NAV2: variants seen among roughly 807,000 people sequenced by gnomAD.
NAV2 encodes the protein neuron navigator 2.
A neutral mutation model predicts 223.2 loss-of-function variants in NAV2; 54 were observed. The observed-to-expected ratio is 0.24, with a 90% confidence interval of 0.19 to 0.30. The LOEUF (loss-of-function observed/expected upper bound fraction) is 0.30. Ranked by LOEUF, NAV2 falls within the 10% of genes least tolerant of loss-of-function variation. The pLI is 1.00. For synonymous variants in NAV2, 1,279 were observed against 1,239.3 expected, an observed-to-expected ratio of 1.03 and a Z score of -0.67; for missense variants, 2,806 against 3,147.5, an observed-to-expected ratio of 0.89 and a Z score of 2.60.
At position 20,036,159 on chromosome 11, in the gene NAV2, T is replaced by C. The variant is rs1360912945; in HGVS notation, c.2907+62T>C. ...CCTCTGGCAGCAGGGAACCTTGGGCTTGTGGGGTAAGAGGGCCATTTGGGG... is the reference window on the plus strand; with the variant it reads ...CCTCTGGCAGCAGGGAACCTTGGGCCTGTGGGGTAAGAGGGCCATTTGGGG... On this transcript the variant is annotated intron_variant, in intron 12 of 37. Transcript: ENST00000349880. 14 of 1,605,844 alleles carry C rather than the reference T, an allele frequency of 8.7e-6. No individual in the cohort carries two copies. In the East Asian group the frequency reaches 2.9e-4, roughly 33 times the overall value.
chr11:19,940,905 C>T (rs2046345647), intron 8 of NAV2, among the ~76,000 whole-genome samples: 1 of 152,278 alleles, frequency 6.6e-6, no homozygotes, highest in Middle Eastern at 3.4e-3. Flanking sequence ...CATATGAGTA[C>T]ATGGATAGCA....
At chr11:19,955,915 T>TG (rs1161498034) in intron 10 of NAV2, among the ~76,000 whole-genome samples, 1 of 152,182 alleles carries the variant, frequency 6.6e-6, no homozygotes, top group Non-Finnish European at 1.5e-5. Context: ...TAGGAGAGGC[T>TG]GTCCTGAAAG....
At position 19,904,064 on chromosome 11, in the gene NAV2, A is replaced by G. The variant is rs112581911; in HGVS notation, c.931+11470A>G. Among the ~76,000 whole-genome samples the G allele has an allele frequency of 5.6e-3, 856 of 152,300 alleles. 7 individuals carry two copies. Among genetic ancestry groups the G allele is most frequent in the South Asian group, 0.024 (114 of 4,828 alleles). Reference sequence around the variant, plus strand: ...AAGGATCAGGTTTAGCCCTAAGGAGAAGGATTTTTGAAGGCACTAGTTGAT... The same window carrying G: ...AAGGATCAGGTTTAGCCCTAAGGAGGAGGATTTTTGAAGGCACTAGTTGAT... On this transcript the variant is annotated intron_variant, in intron 6 of 37. Coordinates refer to ENST00000349880, the MANE Select transcript of NAV2 (RefSeq NM_145117.5).
In NAV2 at chr11:19,676,928, G is replaced by A. The variant is rs140156329; in HGVS notation, c.76-155556G>A. ...CCTTAGATCGTTAAGACATTTCCTA[G>A]GATGTGACAGTCACAAGAGTACCAT... On this transcript the variant is annotated intron_variant, in intron 1 of 37. Transcript: ENST00000360655. 5.9e-5 allele frequency among the ~76,000 whole-genome samples: 9 copies of A among 152,300 alleles called. No individual in the cohort carries two copies. The East Asian group carries it at 1.7e-3, about 29-fold the overall frequency.
chr11:19,713,852 C>A lies in NAV2; in HGVS notation c.157C>A (p.Pro53Thr). The change falls in exon 1 of 38, where the codon CCT becomes ACT. Residue 53 changes from proline (P) to threonine (T), a missense_variant. Pro to Thr is a conservative substitution (Grantham distance 38, BLOSUM62 -1). Around this residue, in one of 4 missense-constraint regions of NAV2, gnomAD observed 1,167 missense variants for 1,180.5 expected, o/e 0.99. Transcript: ENST00000349880. This position sits in a 1 kb window ranked among gnomAD's most constrained non-coding sequence, Gnocchi z 7.2. Reference sequence around the variant, plus strand: ...GGTGGAGGTGAGCAAGACCACCTATCCTAGCCAGATCCCCCTGAAATCGCA... The same window carrying A: ...GGTGGAGGTGAGCAAGACCACCTATACTAGCCAGATCCCCCTGAAATCGCA... ...SKVEVSKTTY[P>T]SQIPLKSQVL... is the part of the protein sequence containing the mutation. 3.7e-6 allele frequency: 6 copies of A among 1,613,680 alleles called. No homozygotes were observed. Among genetic ancestry groups the A allele is most frequent in the Non-Finnish European group, 5.1e-6 (6 of 1,179,928 alleles).
chr11:19,977,532 T>C (rs1053547599), intron 10 of NAV2, among the ~76,000 whole-genome samples: 4 of 152,246 alleles, frequency 2.6e-5, no homozygotes, highest in African/African-American at 4.8e-5. Context: ...GTCTCTGAAC[T>C]TGTCGTGGGG....
At chr11:19,553,983 G>A (rs1319915214) in intron 1 of NAV2, among the ~76,000 whole-genome samples, 3 of 152,212 alleles carry the variant, frequency 2.0e-5, no homozygotes, top group African/African-American at 7.2e-5. Context: ...AGAAAAAGAG[G>A]CTGCTTTCTG....
chr11:19,561,717 T>C (rs1461838115), intron 1 of NAV2, among the ~76,000 whole-genome samples: 1 of 152,352 alleles, frequency 6.6e-6, no homozygotes, highest in East Asian at 1.9e-4. Flanking sequence ...CTGCTTCTTA[T>C]ACCACTTGGC....
At chr11:19,785,752 C>T (rs2057069370) in intron 1 of NAV2, among the ~76,000 whole-genome samples, 1 of 151,696 alleles carries the variant, frequency 6.6e-6, no homozygotes, top group African/African-American at 2.4e-5. Context: ...TGGTAGTTTT[C>T]ATTCCTTAGA....
At chr11:19,448,328 C>A (rs1442142455) in intron 1 of NAV2, among the ~76,000 whole-genome samples, 1 of 152,238 alleles carries the variant, frequency 6.6e-6, no homozygotes, top group Non-Finnish European at 1.5e-5. Flanking sequence ...CCAATGTATT[C>A]TGCCTGTGGC....
intron 1 of NAV2, among the ~76,000 whole-genome samples, chr11:19,660,794 C>G (rs2048255656): frequency 6.6e-6 from 1 of 152,096 alleles, no homozygotes; most frequent in Non-Finnish European, 1.5e-5. Context: ...GTGTAGCATG[C>G]CCCCAGTCGA....
chr11:19,449,959 A>G (rs1027515027), intron 1 of NAV2, among the ~76,000 whole-genome samples: 1 of 152,022 alleles, frequency 6.6e-6, no homozygotes, highest in African/African-American at 2.4e-5. Flanking sequence ...AAGAGCCTTT[A>G]TTCACTTTTC....
chr11:19,634,386 G>T (rs117514561), intron 1 of NAV2, among the ~76,000 whole-genome samples: 1 of 152,146 alleles, frequency 6.6e-6, no homozygotes, highest in Non-Finnish European at 1.5e-5. Flanking sequence ...TAACTACTGG[G>T]TATTGGGCTT....
chr11:19,742,341 C>T (rs2052918394), intron 1 of NAV2, among the ~76,000 whole-genome samples: 2 of 152,252 alleles, frequency 1.3e-5, no homozygotes, highest in Admixed American at 1.3e-4. Context: ...TTGCCTCATA[C>T]ATTCTTTGTG....
intron 1 of NAV2, among the ~76,000 whole-genome samples, chr11:19,395,291 C>A (rs987687340): frequency 1.3e-5 from 2 of 152,250 alleles, no homozygotes; most frequent in African/African-American, 2.4e-5. Context: ...ATTGGGCCCA[C>A]ACATCTGCTA....
At chr11:19,420,563 C>T (rs955541033) in intron 1 of NAV2, among the ~76,000 whole-genome samples, 1 of 152,152 alleles carries the variant, frequency 6.6e-6, no homozygotes, top group East Asian at 1.9e-4. Flanking sequence ...GACTACTACA[C>T]ATCAATGAGA....
chr11:19,455,535 G>A (rs1180542614), intron 1 of NAV2, among the ~76,000 whole-genome samples: 1 of 152,118 alleles, frequency 6.6e-6, no homozygotes, highest in Admixed American at 6.5e-5. Context: ...GGCAAGAATA[G>A]CTACTAGATA....
In NAV2 at chr11:19,992,461, C is replaced by T. The variant is rs116235057; in HGVS notation, c.2768+8214C>T. Among the ~76,000 whole-genome samples the T allele has an allele frequency of 5.5e-3, 841 of 152,240 alleles. 7 individuals are homozygous for T. The highest frequency in any genetic ancestry group is 0.018 in the African/African-American group (762 of 41,550). On this transcript the variant is annotated intron_variant, in intron 11 of 37. Coordinates refer to ENST00000349880, the MANE Select transcript of NAV2 (RefSeq NM_145117.5). Reference sequence around the variant, plus strand: ...TAAAAAGGAAAGAGCTGTATGGTGGCCTCATGAGAATCTCTCATTCCCTAA... The same window carrying T: ...TAAAAAGGAAAGAGCTGTATGGTGGTCTCATGAGAATCTCTCATTCCCTAA...
intron 25 of NAV2, among the ~76,000 whole-genome samples, chr11:20,082,401 GA>G (rs1481302205): frequency 6.6e-6 from 1 of 152,176 alleles, no homozygotes; most frequent in Non-Finnish European, 1.5e-5. Context: ...CTTCCTTTCA[GA>G]AGGGAGGAAC....
Sources: gnomAD v4.1 joint callset for allele counts (sites outside exome capture counted in the v4.1 genomes callset) on GRCh38, gnomAD v4.1.1 for gene constraint, gnomAD v4.1.1 regional missense constraint, Gnocchi (gnomAD v3.1) non-coding constraint, MANE v1.5 for transcripts, NCBI Gene and HGNC (gene_info 2026-07-23, HGNC 2026-07-21) for gene names.